TMEM207: variants seen among roughly 807,000 people sequenced by gnomAD.
TMEM207 encodes the protein transmembrane protein 207.
TMEM207 carries 15 observed loss-of-function variants against 17.4 expected under a neutral mutation model. The observed-to-expected ratio is 0.86, with a 90% CI of 0.58 to 1.33. The LOEUF (loss-of-function observed/expected upper bound fraction) is 1.33. Among genes scored for constraint, TMEM207 ranks in the 40% most tolerant of loss-of-function variants. The probability of loss-of-function intolerance (pLI) is 0.00; values close to 1 mark genes in which losing one functional copy is unlikely to be tolerated. For synonymous variants in TMEM207, 70 were observed against 65.6 expected (o/e 1.07, Z -0.33); for missense variants, 205 against 173.8 (o/e 1.18, Z -1.01).
chr3:190,441,564 T>A (rs1694679032), intron 2 of TMEM207, 82 bp from the exon 3 acceptor site: 2 of 1,109,312 alleles, frequency 1.8e-6, no homozygotes, highest in Non-Finnish European at 2.7e-6. Flanking sequence ...TTGGTACTGA[T>A]CACACTTGTT....
At chr3:190,444,042 C>A (rs1344419632) in intron 2 of TMEM207, among the ~76,000 whole-genome samples, 3 of 152,110 alleles carry the variant, frequency 2.0e-5, no homozygotes, top group African/African-American at 7.2e-5. Context: ...TATTCTTCTT[C>A]TCTGTGCTGA....
chr3:190,446,204 G>T (rs779624271), intron 2 of TMEM207, among the ~76,000 whole-genome samples: 1 of 152,152 alleles, frequency 6.6e-6, no homozygotes. Context: ...TCTCTTGGCT[G>T]GGTAGTGTAT....
chr3:190,449,391 A>T (rs1393844419), intron 1 of TMEM207, among the ~76,000 whole-genome samples: 1 of 152,220 alleles, frequency 6.6e-6, no homozygotes. Flanking sequence ...AATAGTAAAC[A>T]TGTCTTAAAT....
intron 4 of TMEM207, among the ~76,000 whole-genome samples, chr3:190,437,770 A>G (rs1435852009): frequency 6.6e-6 from 1 of 151,934 alleles, no homozygotes; most frequent in Non-Finnish European, 1.5e-5. Flanking sequence ...AGGACTATAA[A>G]TCATGCTGCT....
intron 3 of TMEM207, 99 bp downstream of exon 3, chr3:190,441,339 C>T: frequency 1.0e-6 from 1 of 987,998 alleles, no homozygotes; most frequent in Non-Finnish European, 1.6e-6. Flanking sequence ...CCTAATCTTT[C>T]CTTAAGCTGT....
At chr3:190,429,869 C>T in intron 4 of TMEM207, 138 bp from the exon 5 acceptor site, 1 of 1,115,684 alleles carries the variant, frequency 9.0e-7, no homozygotes, top group Non-Finnish European at 1.2e-6. Context: ...AAAAAAATTA[C>T]AACTATCTTG....
In TMEM207 at chr3:190,435,979, T is replaced by C. The variant is rs572309529; in HGVS notation, c.304+4265A>G. On this transcript the variant is annotated intron_variant, in intron 4 of 4. Coordinates refer to ENST00000354905, the MANE Select transcript of TMEM207 (RefSeq NM_207316.3). ...CATGTAATAGTATCAGTAGTTCTGA[T>C]TGAAAGAAATTCTCTATTTTATGTA... 5.9e-5 allele frequency among the ~76,000 whole-genome samples: 9 copies of C among 152,354 alleles called. No individual in the cohort carries two copies. In the South Asian group the frequency reaches 6.2e-4, roughly 11 times the overall value.
rs1451549483 is a variant in TMEM207, at chr3:190,429,400, C to A, written c.*195G>T. On this transcript the variant is annotated 3_prime_UTR_variant, in exon 5 of 5. Transcript: ENST00000354905. ...TGATACAGCAGTGACACATCAAAAG[C>A]CTGCTACTTTACTATTTAAACATCT... 1.1e-5 allele frequency: 7 copies of A among 612,416 alleles called. No individual in the cohort carries two copies. The highest frequency in any genetic ancestry group is 1.9e-5 in the Non-Finnish European group (7 of 359,248). 37.9% of individuals were successfully genotyped at this position (612,416 alleles called of 1,614,324 possible). A position where few individuals can be genotyped will look rare whatever the true frequency, so the allele number is the denominator to read the frequency against.
chr3:190,447,795 A>G lies in TMEM207; in HGVS notation c.108T>C (p.Asp36=), dbSNP rs763059211. 9 of 1,611,660 alleles carry G rather than the reference A, an allele frequency of 5.6e-6. No homozygotes were observed. In the African/African-American group the frequency reaches 8.0e-5, roughly 14 times the overall value. Residue 36 remains aspartate, a synonymous_variant, in exon 2 of 5, where the codon GAT becomes GAC. Coordinates refer to ENST00000354905, the MANE Select transcript of TMEM207 (RefSeq NM_207316.3). ...GTTTTTCGCTGTTTACTTACATTTC[A>G]TCTTCTTCGCATGGTAGGTCCGAGA... The part of the protein sequence containing the change: ...LVLSDLPCEE[D]EMCVNYNDQH...
At chr3:190,448,213 C>G (rs1021742616) in intron 1 of TMEM207, among the ~76,000 whole-genome samples, 1 of 147,432 alleles carries the variant, frequency 6.8e-6, no homozygotes, top group African/African-American at 2.5e-5. Flanking sequence ...TATTTTCACG[C>G]AAAAAAAAAC....
intron 4 of TMEM207, among the ~76,000 whole-genome samples, chr3:190,434,673 T>C (rs1286647535): frequency 6.6e-6 from 1 of 152,148 alleles, no homozygotes; most frequent in Non-Finnish European, 1.5e-5. Context: ...CACATAATAC[T>C]AGAATTATTC....
chr3:190,433,419 A>G (rs897212176), intron 4 of TMEM207, among the ~76,000 whole-genome samples: 2 of 152,176 alleles, frequency 1.3e-5, no homozygotes, highest in Admixed American at 1.3e-4. Context: ...AAACAAAACA[A>G]TTAACCTAAT....
intron 1 of TMEM207, among the ~76,000 whole-genome samples, chr3:190,448,832 G>A (rs1233236553): frequency 3.9e-5 from 6 of 152,154 alleles, no homozygotes; most frequent in Admixed American, 3.9e-4. Flanking sequence ...TGGGCAAAGA[G>A]ATTTGTGGAG....
At chr3:190,436,045 C>T (rs542399651) in intron 4 of TMEM207, among the ~76,000 whole-genome samples, 1 of 152,182 alleles carries the variant, frequency 6.6e-6, no homozygotes, top group Non-Finnish European at 1.5e-5. Flanking sequence ...GTTTCTCAGT[C>T]AAAAGTTTCC....
At position 190,436,652 on chromosome 3, in the gene TMEM207, T is replaced by G. The variant is rs78711458; in HGVS notation, c.304+3592A>C. Among the ~76,000 whole-genome samples, 1,316 of 152,250 alleles carry G rather than the reference T, an allele frequency of 8.6e-3. 24 individuals are homozygous for G. The highest frequency in any genetic ancestry group is 0.031 in the African/African-American group (1,275 of 41,526). On this transcript the variant is annotated intron_variant, in intron 4 of 4. Coordinates refer to ENST00000354905, the MANE Select transcript of TMEM207 (RefSeq NM_207316.3). ...AGCTTCTTTTTATAGAAATATTAGG[T>G]AGGAAGAATGATTTGTATGGAGAAG...
At chr3:190,442,746 T>A (rs930286015) in intron 2 of TMEM207, among the ~76,000 whole-genome samples, 1 of 152,030 alleles carries the variant, frequency 6.6e-6, no homozygotes, top group South Asian at 2.1e-4. Flanking sequence ...GAATAAAAGA[T>A]GTGAAAAATA....
intron 1 of TMEM207, 84 bp downstream of exon 1, chr3:190,449,651 C>A: frequency 8.1e-7 from 1 of 1,233,872 alleles, no homozygotes; most frequent in South Asian, 1.3e-5. Flanking sequence ...TTAAGTTGCT[C>A]ACATATAAAT....
chr3:190,446,024 C>CTT (rs1720037749), intron 2 of TMEM207, among the ~76,000 whole-genome samples: 1 of 152,174 alleles, frequency 6.6e-6, no homozygotes, highest in Non-Finnish European at 1.5e-5. Context: ...CCAAGTCTCC[C>CTT]TTTTCTGTGT....
chr3:190,444,890 A>G (rs1720011663), intron 2 of TMEM207, among the ~76,000 whole-genome samples: 1 of 152,192 alleles, frequency 6.6e-6, no homozygotes, highest in South Asian at 2.1e-4. Flanking sequence ...ATTCCTCAAC[A>G]TAGGCCAAAG....
Sources: gnomAD v4.1 joint callset for allele counts (sites outside exome capture counted in the v4.1 genomes callset) on GRCh38, gnomAD v4.1.1 for gene constraint, MANE v1.5 for transcripts, NCBI Gene and HGNC (gene_info 2026-07-23, HGNC 2026-07-21) for gene names.